The following OPCML variants were observed in gnomAD, a reference collection of about 807,000 sequenced individuals.
OPCML encodes opioid binding protein/cell adhesion molecule like.
In OPCML, 13 loss-of-function variants were observed where a neutral mutation model predicts 37.8. The ratio of observed to expected loss-of-function variants is 0.34; its 90% CI spans 0.22 to 0.55. The LOEUF is 0.55. OPCML is among the 20% of genes least tolerant of loss of function. The probability of loss-of-function intolerance (pLI) is 0.91; values close to 1 mark genes in which losing one functional copy is unlikely to be tolerated. For synonymous variants in OPCML, 176 were observed against 168.8 expected, an observed-to-expected ratio of 1.04 and a Z score of -0.33; for missense variants, 341 against 435.6, an observed-to-expected ratio of 0.78 and a Z score of 1.93.
At chr11:133,338,759 A>T (rs1943797920) in intron 1 of OPCML, among the ~76,000 whole-genome samples, 1 of 152,170 alleles carries the variant, frequency 6.6e-6, no homozygotes. Context: ...ATAGCTCTGG[A>T]AAGGAGTGTG....
At chr11:133,235,390 A>G (rs762309859) in intron 1 of OPCML, among the ~76,000 whole-genome samples, 7 of 152,222 alleles carry the variant, frequency 4.6e-5, no homozygotes, top group Non-Finnish European at 1.0e-4. Context: ...CTCTAGTACC[A>G]GATATTTACA....
intron 3 of OPCML, among the ~76,000 whole-genome samples, chr11:132,552,264 G>A (rs939832475): frequency 2.0e-5 from 3 of 152,178 alleles, no homozygotes; most frequent in African/African-American, 7.2e-5. Context: ...GCAGCAAGGT[G>A]CACCCTTGTT....
intron 2 of OPCML, among the ~76,000 whole-genome samples, chr11:132,803,310 T>C (rs7350477): frequency 0.29 from 43,374 of 152,150 alleles, 6,501 homozygotes; most frequent in Non-Finnish European, 0.34. Context: ...ATAGATCAAA[T>C]GGCCATTCTA....
At chr11:133,216,754 A>G (rs1939600140) in intron 1 of OPCML, among the ~76,000 whole-genome samples, 1 of 152,246 alleles carries the variant, frequency 6.6e-6, no homozygotes, top group Non-Finnish European at 1.5e-5. Context: ...ACTATCATGT[A>G]ATAATGTGTA....
chr11:133,260,380 G>A lies in OPCML; in HGVS notation c.61+271884C>T, dbSNP rs1032665782. On this transcript the variant is annotated intron_variant, in intron 1 of 7. Coordinates refer to ENST00000524381, the MANE Select transcript of OPCML (RefSeq NM_001012393.5). ...ACTGTGTTGAGACCTGACTAAAGAG[G>A]GTCTGAGGCTGGGACCAGGGGGCTA... is the stretch of plus-strand genomic sequence containing the variant. Among the ~76,000 whole-genome samples the A allele has an allele frequency of 1.7e-4, 26 of 152,180 alleles. 1 individual carries two copies. Among genetic ancestry groups the A allele is most frequent in the Admixed American group, 1.2e-3 (18 of 15,290 alleles).
chr11:132,453,107 CT>C (rs1188337709), intron 4 of OPCML, among the ~76,000 whole-genome samples: 1 of 152,172 alleles, frequency 6.6e-6, no homozygotes, highest in African/African-American at 2.4e-5. Flanking sequence ...ACTTTAGGGT[CT>C]TTGTTAGATG....
intron 2 of OPCML, among the ~76,000 whole-genome samples, chr11:132,664,534 A>G (rs1942139053): frequency 6.6e-6 from 1 of 152,218 alleles, no homozygotes; most frequent in African/African-American, 2.4e-5. Context: ...CTATGTATCC[A>G]AATATATTAA....
intron 1 of OPCML, among the ~76,000 whole-genome samples, chr11:133,337,094 A>G (rs1045826961): frequency 2.0e-5 from 3 of 152,340 alleles, no homozygotes; most frequent in African/African-American, 7.2e-5. Flanking sequence ...CATGCCCTGG[A>G]AAGATGTTTT....
chr11:132,893,721 A>T (rs1943736870), intron 2 of OPCML, among the ~76,000 whole-genome samples: 1 of 152,240 alleles, frequency 6.6e-6, no homozygotes, highest in African/African-American at 2.4e-5. Flanking sequence ...GTGGTCTGGC[A>T]CCTTGCTTTG....
At chr11:133,499,524 G>A (rs1236005205) in intron 1 of OPCML, among the ~76,000 whole-genome samples, 1 of 151,782 alleles carries the variant, frequency 6.6e-6, no homozygotes, top group Non-Finnish European at 1.5e-5. Context: ...CCTTTCCTTG[G>A]TCCCAAGGGA....
chr11:133,285,439 C>T (rs912366214), intron 1 of OPCML, among the ~76,000 whole-genome samples: 2 of 152,122 alleles, frequency 1.3e-5, no homozygotes, highest in African/African-American at 2.4e-5. Context: ...GAGACCCGTA[C>T]GTGGGGAATC....
intron 2 of OPCML, among the ~76,000 whole-genome samples, chr11:132,876,968 A>T (rs181794368): frequency 1.2e-4 from 19 of 152,326 alleles, no homozygotes; most frequent in Admixed American, 3.9e-4. Flanking sequence ...GTAATTTTAA[A>T]TAAGGAAACG....
At chr11:132,579,356 A>G (rs1476684312) in intron 3 of OPCML, among the ~76,000 whole-genome samples, 1 of 151,354 alleles carries the variant, frequency 6.6e-6, no homozygotes, top group Admixed American at 6.6e-5. Flanking sequence ...GGCCTGTCAA[A>G]CAAAGGAGAC....
intron 1 of OPCML, among the ~76,000 whole-genome samples, chr11:133,530,650 G>A (rs896948751): frequency 6.6e-6 from 1 of 152,244 alleles, no homozygotes; most frequent in Admixed American, 6.5e-5. Flanking sequence ...CTAGGATGCT[G>A]CTGGAATCTG....
At chr11:132,651,245 G>A (rs572756976) in intron 3 of OPCML, among the ~76,000 whole-genome samples, 1 of 152,098 alleles carries the variant, frequency 6.6e-6, no homozygotes, top group Non-Finnish European at 1.5e-5. Flanking sequence ...AAATATACCC[G>A]GTCTTGGGTG....
intron 3 of OPCML, among the ~76,000 whole-genome samples, chr11:132,618,605 G>A (rs989830419): frequency 2.0e-5 from 3 of 152,144 alleles, no homozygotes; most frequent in South Asian, 2.1e-4. Context: ...CACACTGAAC[G>A]GATTTACCAC....
intron 1 of OPCML, among the ~76,000 whole-genome samples, chr11:133,349,941 T>C (rs577773934): frequency 1.3e-5 from 2 of 152,212 alleles, no homozygotes; most frequent in Non-Finnish European, 1.5e-5. Context: ...GAAACACTAG[T>C]GGACTGGACA....
chr11:132,767,623 A>G (rs1463238040), intron 2 of OPCML, among the ~76,000 whole-genome samples: 1 of 152,154 alleles, frequency 6.6e-6, no homozygotes, highest in East Asian at 1.9e-4. Context: ...TTACTAGTTG[A>G]GCCATATGCT....
Position 132,416,485 on chromosome 11 carries a change from G to A in OPCML, c.*3708C>T, listed in dbSNP as rs984041334. The A allele has an allele frequency of 3.9e-5, 6 of 152,192 alleles. No homozygotes were observed. Among genetic ancestry groups the A allele is most frequent in the African/African-American group, 1.4e-4 (6 of 41,444 alleles). The allele number at this position is 152,192 out of a possible 1,614,324, so 9.4% of individuals were successfully genotyped here. A position where few individuals can be genotyped will look rare whatever the true frequency, so the allele number is the denominator to read the frequency against. ...TGGAATAGTTCTTTCAGCATAAATA[G>A]AACTTGCTGACTTCTCTTTGTTGAA... On this transcript the variant is annotated 3_prime_UTR_variant, in exon 8 of 8. Transcript: ENST00000524381.
Sources: gnomAD v4.1 joint callset for allele counts (sites outside exome capture counted in the v4.1 genomes callset) on GRCh38, gnomAD v4.1.1 for gene constraint, MANE v1.5 for transcripts, NCBI Gene and HGNC (gene_info 2026-07-23, HGNC 2026-07-21) for gene names.